The following DCBLD1 variants were observed in gnomAD, a reference collection of about 807,000 sequenced individuals.
DCBLD1 encodes discoidin, CUB and LCCL domain-containing protein 1.
Under a neutral mutation model 71.5 loss-of-function variants are expected in DCBLD1, and 57 were observed. The ratio of observed to expected loss-of-function variants is 0.80; its 90% confidence interval spans 0.64 to 0.99. The LOEUF is 0.99. Ranked by LOEUF, DCBLD1 falls within the 50% of genes least tolerant of loss-of-function variation. The pLI, the probability that DCBLD1 is intolerant of heterozygous loss-of-function variation, is 0.00. For synonymous variants in DCBLD1, 380 were observed against 363.8 expected, an observed-to-expected ratio of 1.04 and a Z score of -0.51; for missense variants, 891 against 923.5, an observed-to-expected ratio of 0.96 and a Z score of 0.46.
intron 2 of DCBLD1, among the ~76,000 whole-genome samples, chr6:117,518,413 C>T (rs1233772890): frequency 6.6e-6 from 1 of 152,212 alleles, no homozygotes; most frequent in African/African-American, 2.4e-5. Flanking sequence ...TCTTAGCCCT[C>T]CAAACTGTTC....
intron 1 of DCBLD1, among the ~76,000 whole-genome samples, chr6:117,499,069 TAGAG>T (rs1413837446): frequency 2.3e-5 from 3 of 129,670 alleles, no homozygotes; most frequent in African/African-American, 6.7e-5. Flanking sequence ...CTGTATTTCA[TAGAG>T]AGCTTTTTTT....
Position 117,548,268 on chromosome 6 carries a change from GC to G in DCBLD1, c.1979del (p.Pro660LeufsTer52), listed in dbSNP as rs34682399. 6.4e-7 allele frequency: 1 copy of G among 1,550,652 alleles called. No individual in the cohort carries two copies. Among genetic ancestry groups the G allele is most frequent in the Non-Finnish European group, 8.7e-7 (1 of 1,147,002 alleles). ...ACTATCAAAGGCCACACAGCGCACA[GC>G]CTGCGGACAGGGGCTACGACCGGCC... ...GDYQRPHSAQ[P>X]ADRGYDRPKA... is the part of the protein sequence containing the mutation. On this transcript the variant is annotated frameshift_variant, in exon 15 of 15. Coordinates refer to ENST00000338728, the MANE Select transcript of DCBLD1 (RefSeq NM_001366458.2). LOFTEE classifies it low-confidence loss of function (END_TRUNC).
rs984997341 is a variant in DCBLD1 at position 117,549,435 on chromosome 6, CAAG to C, written c.*997_*999del. Reference sequence around the variant, plus strand: ...ATTTTATAAGAAATGATTTTCCCCTCAAGGAGGCGTCTGTAATTCCAGAACAGT... The same window carrying C: ...ATTTTATAAGAAATGATTTTCCCCTCGAGGCGTCTGTAATTCCAGAACAGT... On this transcript the variant is annotated 3_prime_UTR_variant, in exon 15 of 15. Transcript: ENST00000338728. The C allele has an allele frequency of 4.1e-6, 4 of 985,294 alleles. No homozygotes were observed. Among genetic ancestry groups the C allele is most frequent in the Non-Finnish European group, 4.8e-6 (4 of 829,930 alleles). The allele number at this position is 985,294 out of a possible 1,614,324, so 61.0% of individuals were successfully genotyped here. A position where few individuals can be genotyped will look rare whatever the true frequency, so the allele number is the denominator to read the frequency against.
chr6:117,534,132 A>G (rs1778810748), intron 6 of DCBLD1, among the ~76,000 whole-genome samples: 1 of 152,164 alleles, frequency 6.6e-6, no homozygotes, highest in Non-Finnish European at 1.5e-5. Context: ...TTCTTTTCAT[A>G]TTGCCTGAAC....
chr6:117,560,218 CAT>C (rs1347612040), intron 14 of DCBLD1: 2 of 166,124 alleles, frequency 1.2e-5, no homozygotes, highest in Non-Finnish European at 2.6e-5. Flanking sequence ...GACTTTATGA[CAT>C]GTTGGTACAA....
rs1056408043 is a variant in DCBLD1 at position 117,487,449 on chromosome 6, A to G, written c.112+4556A>G. Reference sequence around the variant, plus strand: ...GAGACAGCCTGAGCAACATAGCGAAATCCCATCTCTAGCGAAAATACAATA... The same window carrying G: ...GAGACAGCCTGAGCAACATAGCGAAGTCCCATCTCTAGCGAAAATACAATA... On this transcript the variant is annotated intron_variant, in intron 1 of 14. Coordinates refer to ENST00000338728, the MANE Select transcript of DCBLD1 (RefSeq NM_001366458.2). Among the ~76,000 whole-genome samples, 9 of 152,028 alleles carry G rather than the reference A, an allele frequency of 5.9e-5. No homozygotes were observed. In the East Asian group the frequency reaches 1.2e-3, roughly 20 times the overall value.
At chr6:117,490,123 A>C (rs1012150698) in intron 1 of DCBLD1, among the ~76,000 whole-genome samples, 10 of 147,944 alleles carry the variant, frequency 6.8e-5, no homozygotes, top group Middle Eastern at 3.5e-3. Flanking sequence ...ACACACACAC[A>C]CCCCTATAGC....
chr6:117,488,512 G>A (rs906685873), intron 1 of DCBLD1, among the ~76,000 whole-genome samples: 14 of 152,228 alleles, frequency 9.2e-5, no homozygotes, highest in African/African-American at 3.4e-4. Flanking sequence ...GGGCGTGGTG[G>A]CACATGCCTG....
chr6:117,551,210 C>T (rs1052574933), downstream of DCBLD1, among the ~76,000 whole-genome samples: 2 of 152,136 alleles, frequency 1.3e-5, no homozygotes, highest in Non-Finnish European at 2.9e-5. Flanking sequence ...GTTCACATTG[C>T]TCAGGACTTG....
intron 1 of DCBLD1, among the ~76,000 whole-genome samples, chr6:117,502,622 AG>A (rs1777701903): frequency 6.6e-6 from 1 of 152,176 alleles, no homozygotes; most frequent in African/African-American, 2.4e-5. Flanking sequence ...AGTATACCCA[AG>A]GTGAGGCTTC....
intron 2 of DCBLD1, among the ~76,000 whole-genome samples, chr6:117,518,247 CAA>C (rs1457707589): frequency 6.6e-6 from 1 of 152,210 alleles, no homozygotes; most frequent in Non-Finnish European, 1.5e-5. Flanking sequence ...TCAAACATAA[CAA>C]GAGTCACCTT....
rs1562123848 is a variant in DCBLD1 at position 117,544,559 on chromosome 6, G to T, written c.1477G>T (p.Ala493Ser). The T allele has an allele frequency of 6.2e-7, 1 of 1,614,058 alleles. No individual in the cohort carries two copies. Among genetic ancestry groups the T allele is most frequent in the Non-Finnish European group, 8.5e-7 (1 of 1,179,992 alleles). Reference sequence around the variant, plus strand: ...GAAGAAAGGAAGTCCGTATGGATCAGCAGAGGCTCAGAAAACAGGTTGGTT... The same window carrying T: ...GAAGAAAGGAAGTCCGTATGGATCATCAGAGGCTCAGAAAACAGGTTGGTT... ...KKKKGSPYGS[A>S]EAQKTDCWKQ... Residue 493 changes from alanine (A) to serine (S), a missense_variant, in exon 13 of 15, where the codon GCA becomes TCA. Coordinates refer to ENST00000338728, the MANE Select transcript of DCBLD1 (RefSeq NM_001366458.2).
chr6:117,555,943 T>C (rs1779489928), intron 14 of DCBLD1, among the ~76,000 whole-genome samples: 1 of 152,224 alleles, frequency 6.6e-6, no homozygotes, highest in Non-Finnish European at 1.5e-5. Flanking sequence ...ATTTGAGTCT[T>C]GGCTCAGACA....
intron 2 of DCBLD1, among the ~76,000 whole-genome samples, chr6:117,507,725 T>C (rs1777887020): frequency 6.6e-6 from 1 of 152,218 alleles, no homozygotes. Flanking sequence ...TCTTCCTTCA[T>C]CTTTTGAGAA....
intron 2 of DCBLD1, among the ~76,000 whole-genome samples, chr6:117,516,687 A>AAGAG (rs1246246270): frequency 5.3e-5 from 8 of 152,280 alleles, no homozygotes; most frequent in East Asian, 1.9e-4. Context: ...GGCAATTTAC[A>AAGAG]AAAGGTTTAA....
At chr6:117,524,137 AC>A (rs1383889982) in intron 4 of DCBLD1, among the ~76,000 whole-genome samples, 1 of 151,964 alleles carries the variant, frequency 6.6e-6, no homozygotes, top group East Asian at 1.9e-4. Context: ...CAGCTGCACC[AC>A]ATACTATGAC....
chr6:117,565,387 T>C (rs1779675781), intron 14 of DCBLD1, among the ~76,000 whole-genome samples: 1 of 152,208 alleles, frequency 6.6e-6, no homozygotes, highest in South Asian at 2.1e-4. Context: ...TCTGATATTA[T>C]ACAAAAATTT....
intron 2 of DCBLD1, among the ~76,000 whole-genome samples, chr6:117,509,823 G>A (rs562271098): frequency 1.6e-4 from 24 of 152,266 alleles, no homozygotes; most frequent in African/African-American, 5.8e-4. Flanking sequence ...CAAGCTGGTG[G>A]CAAGGGTTCA....
intron 14 of DCBLD1, among the ~76,000 whole-genome samples, chr6:117,556,847 TA>T (rs1467610238): frequency 5.3e-5 from 8 of 152,342 alleles, no homozygotes; most frequent in African/African-American, 1.9e-4. Flanking sequence ...ACCAACGGTG[TA>T]AGTGCTCCCT....
Sources: allele counts gnomAD v4.1 joint callset (sites outside exome capture counted in the v4.1 genomes callset), GRCh38; gene constraint gnomAD v4.1.1; transcripts MANE v1.5; gene names NCBI Gene and HGNC (gene_info 2026-07-23, HGNC 2026-07-21).